TRPM6: variants seen among roughly 807,000 people sequenced by gnomAD.
The protein encoded by TRPM6 is transient receptor potential cation channel subfamily M member 6.
A neutral mutation model predicts 247.6 loss-of-function variants in TRPM6; 111 were observed. That is an observed-to-expected ratio of 0.45 (90% CI 0.38 to 0.52). The LOEUF (loss-of-function observed/expected upper bound fraction) is 0.52. Among genes scored for constraint, TRPM6 ranks in the 20% least tolerant of loss-of-function variants. TRPM6 has a pLI of 0.00. For synonymous variants in TRPM6, 892 were observed against 853.8 expected (o/e 1.04, Z -0.78); for missense variants, 2,126 against 2,421.5 (o/e 0.88, Z 2.56).
chr9:74,855,714 G>A, intron 2 of TRPM6, 149 bp from the exon 3 acceptor site: 3 of 671,476 alleles, frequency 4.5e-6, no homozygotes, highest in South Asian at 1.6e-5. Context: ...TTCCATTATG[G>A]CATTTACCAC....
Position 74,747,916 on chromosome 9 carries a change from T to A in TRPM6, c.5058-2A>T. ...TCAACTCCAATTGAACTTTTCAGCC[T>A]GTTTGAAAAAAAAATGAAGTTGTTT... On this transcript the variant is annotated splice_acceptor_variant, in intron 30 of 38. Transcript: ENST00000360774. LOFTEE classifies it high-confidence loss of function. 6.2e-7 allele frequency: 1 copy of A among 1,611,540 alleles called. No individual in the cohort carries two copies. Among genetic ancestry groups the A allele is most frequent in the Non-Finnish European group, 8.5e-7 (1 of 1,178,778 alleles).
At chr9:74,751,926 T>A (rs1826263708) in intron 29 of TRPM6, among the ~76,000 whole-genome samples, 2 of 152,238 alleles carry the variant, frequency 1.3e-5, no homozygotes, top group South Asian at 4.1e-4. Context: ...GATCTACCTC[T>A]TAAAAGTGTA....
intron 3 of TRPM6, among the ~76,000 whole-genome samples, chr9:74,846,064 A>T (rs1284527908): frequency 1.3e-5 from 2 of 152,220 alleles, no homozygotes; most frequent in Non-Finnish European, 2.9e-5. Flanking sequence ...TTCAAAATGA[A>T]TATCAAGAAG....
chr9:74,768,621 C>T (rs12685306), intron 25 of TRPM6, among the ~76,000 whole-genome samples: 1,696 of 152,340 alleles, frequency 0.011, 13 homozygotes, highest in Non-Finnish European at 0.016. Flanking sequence ...TATGCTCTCC[C>T]TTAGCTCCAC....
In TRPM6 at chr9:74,816,852, C is replaced by T. The variant is rs766892042; in HGVS notation, c.1207+40G>A. On this transcript the variant is annotated intron_variant, in intron 10 of 38. Coordinates refer to ENST00000360774, the MANE Select transcript of TRPM6 (RefSeq NM_017662.5). Reference sequence around the variant, plus strand: ...ACAAAGTACTGTGGAACATGAGAAGCGTAAATGAGGAACAATTGCAACCCC... The same window carrying T: ...ACAAAGTACTGTGGAACATGAGAAGTGTAAATGAGGAACAATTGCAACCCC... The T allele has an allele frequency of 5.0e-6, 8 of 1,609,790 alleles. No individual in the cohort carries two copies. The South Asian group carries it at 5.5e-5, about 11-fold the overall frequency.
chr9:74,763,075 T>C lies in TRPM6; in HGVS notation c.3596A>G (p.Asp1199Gly). Reference protein sequence around the residue: ...EMNEKVSFIKDSLLSLDSQVG... With the variant: ...EMNEKVSFIKGSLLSLDSQVG... ...CTGGCTGTCCAAAGACAGTAAGGAG[T>C]CCTTTATAAAAGACACCTTTTCATT... is the stretch of plus-strand genomic sequence containing the variant. Residue 1199 changes from aspartate to glycine, a missense_variant, in exon 26 of 39, where the codon GAC becomes GGC. This residue lies in a region of TRPM6 where 717 missense variants were observed against 715.9 expected (regional missense o/e 1.00). Transcript: ENST00000360774. 1 of 1,613,778 alleles carries C rather than the reference T, an allele frequency of 6.2e-7. No individual in the cohort carries two copies. The highest frequency in any genetic ancestry group is 8.5e-7 in the Non-Finnish European group (1 of 1,179,960).
At chr9:74,837,332 T>G (rs914661331) in intron 5 of TRPM6, among the ~76,000 whole-genome samples, 1 of 152,218 alleles carries the variant, frequency 6.6e-6, no homozygotes, top group Non-Finnish European at 1.5e-5. Context: ...ATAGGCACTT[T>G]CAGCAAGCTC....
At chr9:74,831,015 C>G (rs2118095295) in intron 6 of TRPM6, among the ~76,000 whole-genome samples, 2 of 152,046 alleles carry the variant, frequency 1.3e-5, no homozygotes, top group Middle Eastern at 6.8e-3. Flanking sequence ...AATAAGCAAG[C>G]TAGTATCAAA....
chr9:74,809,986 A>AAC (rs1828669015), intron 13 of TRPM6, among the ~76,000 whole-genome samples: 1 of 147,392 alleles, frequency 6.8e-6, no homozygotes, highest in Non-Finnish European at 1.5e-5. Flanking sequence ...CAAAAAAAAA[A>AAC]AAAAAAAAAA....
intron 1 of TRPM6, among the ~76,000 whole-genome samples, chr9:74,865,736 T>G (rs1051914766): frequency 3.9e-5 from 6 of 152,296 alleles, no homozygotes. Context: ...AAATAAAGTC[T>G]TTTTTGGAGT....
chr9:74,772,452 TTTCTC>T (rs1453464709), intron 24 of TRPM6, among the ~76,000 whole-genome samples: 2 of 152,216 alleles, frequency 1.3e-5, no homozygotes, highest in African/African-American at 4.8e-5. Flanking sequence ...TCTGTCTTCT[TTTCTC>T]TCTGCCAACA....
intron 37 of TRPM6, among the ~76,000 whole-genome samples, chr9:74,730,005 T>C (rs568013694): frequency 6.6e-6 from 1 of 152,314 alleles, no homozygotes; most frequent in African/African-American, 2.4e-5. Context: ...TAGCAGGAGT[T>C]CGACCACTCC....
At chr9:74,775,792 G>T in intron 24 of TRPM6, 91 bp downstream of exon 24, 1 of 1,313,462 alleles carries the variant, frequency 7.6e-7, no homozygotes, top group Non-Finnish European at 1.1e-6. Flanking sequence ...GCCCCACAGT[G>T]CCCTGAACTT....
At chr9:74,736,631 A>G (rs911286692) in intron 36 of TRPM6, among the ~76,000 whole-genome samples, 1 of 152,230 alleles carries the variant, frequency 6.6e-6, no homozygotes, top group Non-Finnish European at 1.5e-5. Context: ...CCAATTGGCC[A>G]AAACTCTCTG....
chr9:74,849,751 G>A (rs1391063228), intron 3 of TRPM6, among the ~76,000 whole-genome samples: 1 of 152,206 alleles, frequency 6.6e-6, no homozygotes, highest in Non-Finnish European at 1.5e-5. Context: ...AAGCATCTAG[G>A]AAGCGATGTG....
At chr9:74,747,783 A>C in intron 31 of TRPM6, 106 bp downstream of exon 31, 1 of 1,018,660 alleles carries the variant, frequency 9.8e-7, no homozygotes, top group Non-Finnish European at 1.5e-6. Context: ...ATGGACAAAA[A>C]TCATAAATAC....
At chr9:74,751,973 T>C (rs1335922201) in intron 29 of TRPM6, among the ~76,000 whole-genome samples, 1 of 152,210 alleles carries the variant, frequency 6.6e-6, no homozygotes, top group Admixed American at 6.5e-5. Flanking sequence ...ATGACAACTT[T>C]CATATATTTG....
rs745590652 is a variant in TRPM6, at chr9:74,792,765, C to A, written c.2397G>T (p.Glu799Asp). 7 of 1,613,662 alleles carry A rather than the reference C, an allele frequency of 4.3e-6. No individual in the cohort carries two copies. The highest frequency in any genetic ancestry group is 5.9e-6 in the Non-Finnish European group (7 of 1,179,606). Residue 799 changes from glutamate to aspartate, a missense_variant, in exon 19 of 39, where the codon GAG becomes GAT. Transcript: ENST00000360774. The part of the protein sequence containing the change: ...SSSKESASVK[E>D]YDLERGHDEK... ...CATCATGGCCCCTTTCCAAATCATA[C>A]TCTTTCTATAAAATAAACAAATAAT...
rs530437630 is a variant in TRPM6 at position 74,786,855 on chromosome 9, T to C, written c.2668-730A>G. Among the ~76,000 whole-genome samples, 12 of 152,302 alleles carry C rather than the reference T, an allele frequency of 7.9e-5. No individual in the cohort carries two copies. The East Asian group carries it at 2.3e-3, about 29-fold the overall frequency. ...ACACTGGATGGAGCAAGGAATCCTG[T>C]AATCCAGTCCGACTACTGCTATTTA... On this transcript the variant is annotated intron_variant, in intron 20 of 38. Transcript: ENST00000360774.
Sources: gnomAD v4.1 joint callset for allele counts (sites outside exome capture counted in the v4.1 genomes callset) on GRCh38, gnomAD v4.1.1 for gene constraint, gnomAD v4.1.1 regional missense constraint, MANE v1.5 for transcripts, NCBI Gene and HGNC (gene_info 2026-07-23, HGNC 2026-07-21) for gene names.